Variants in OPCML observed in about 807,000 individuals in gnomAD.
The protein encoded by OPCML is opioid-binding protein/cell adhesion molecule.
Under a neutral mutation model 37.8 loss-of-function variants are expected in OPCML, and 13 were observed. The ratio of observed to expected loss-of-function variants is 0.34; its 90% CI spans 0.22 to 0.55. OPCML has a LOEUF of 0.55. OPCML is among the 20% of genes least tolerant of loss of function. The pLI, the probability that OPCML is intolerant of heterozygous loss-of-function variation, is 0.91. For synonymous variants in OPCML, 176 were observed against 168.8 expected (o/e 1.04, Z -0.33); for missense variants, 341 against 435.6 (o/e 0.78, Z 1.93).
chr11:132,437,631 T>C (rs2136748703), intron 4 of OPCML, among the ~76,000 whole-genome samples: 1 of 152,362 alleles, frequency 6.6e-6, no homozygotes, highest in Admixed American at 6.5e-5. Flanking sequence ...ATTTTTCTTA[T>C]ATGATTATTG....
chr11:133,222,804 G>A (rs1433723260), intron 1 of OPCML, among the ~76,000 whole-genome samples: 1 of 151,282 alleles, frequency 6.6e-6, no homozygotes, highest in Non-Finnish European at 1.5e-5. Flanking sequence ...GAGGTGGGGG[G>A]AGCAAAGGGG....
chr11:133,026,587 T>C (rs1401584355), intron 1 of OPCML: 1 of 985,096 alleles, frequency 1.0e-6, no homozygotes, highest in African/African-American at 1.7e-5. Context: ...ACTGTGATTC[T>C]TTCTAGCTAA....
chr11:132,517,078 A>T (rs1019160041), intron 4 of OPCML, among the ~76,000 whole-genome samples: 5 of 152,086 alleles, frequency 3.3e-5, no homozygotes, highest in Non-Finnish European at 5.9e-5. Flanking sequence ...TTGTGGTACC[A>T]TGTACGTGTC....
chr11:132,931,439 C>A (rs974854313), intron 2 of OPCML, among the ~76,000 whole-genome samples: 1 of 151,970 alleles, frequency 6.6e-6, no homozygotes, highest in Non-Finnish European at 1.5e-5. Context: ...GGGTCAATAT[C>A]CAGAATATAT....
At chr11:133,267,642 G>T (rs7932274) in intron 1 of OPCML, among the ~76,000 whole-genome samples, 47,448 of 151,980 alleles carry the variant, frequency 0.31, 8,055 homozygotes, top group East Asian at 0.69. Flanking sequence ...CCCTGACATG[G>T]TTTTTCTGTG....
rs1265215291 is a variant in OPCML, at chr11:132,481,719, C to A, written c.506-44360G>T. Reference sequence around the variant, plus strand: ...AAGAACAGAAATTATAACAAACTATCTCTCAGACCACAGTGCAATCAAACT... The same window carrying A: ...AAGAACAGAAATTATAACAAACTATATCTCAGACCACAGTGCAATCAAACT... On this transcript the variant is annotated intron_variant, in intron 4 of 7. Coordinates refer to ENST00000524381, the MANE Select transcript of OPCML (RefSeq NM_001012393.5). Among the ~76,000 whole-genome samples the A allele has an allele frequency of 3.4e-4, 51 of 149,616 alleles. No homozygotes were observed. In the East Asian group the frequency reaches 6.3e-3, roughly 19 times the overall value.
At chr11:132,767,388 T>G (rs747018139) in intron 2 of OPCML, among the ~76,000 whole-genome samples, 13 of 152,322 alleles carry the variant, frequency 8.5e-5, no homozygotes, top group Non-Finnish European at 1.6e-4. Context: ...GGGATTTCTT[T>G]GAGGTCAATA....
chr11:132,447,162 G>GCGTCTGA (rs1311302089), intron 4 of OPCML, among the ~76,000 whole-genome samples: 1 of 152,184 alleles, frequency 6.6e-6, no homozygotes, highest in Non-Finnish European at 1.5e-5. Context: ...AATGCCAACT[G>GCGTCTGA]CGTCTGACTT....
intron 2 of OPCML, among the ~76,000 whole-genome samples, chr11:132,682,958 G>A (rs1400297954): frequency 2.0e-5 from 3 of 152,134 alleles, no homozygotes; most frequent in Admixed American, 1.3e-4. Flanking sequence ...GCAAAATAAT[G>A]TATTCAAGGC....
At chr11:132,748,623 G>A (rs918805123) in intron 2 of OPCML, among the ~76,000 whole-genome samples, 2 of 152,178 alleles carry the variant, frequency 1.3e-5, no homozygotes, top group East Asian at 1.9e-4. Flanking sequence ...GAAGGAGAGA[G>A]CGGTGCGAGG....
chr11:132,828,380 A>T (rs1940489591), intron 2 of OPCML, among the ~76,000 whole-genome samples: 1 of 152,166 alleles, frequency 6.6e-6, no homozygotes, highest in Non-Finnish European at 1.5e-5. Context: ...ACCCTAATGT[A>T]AACCATGGAC....
intron 7 of OPCML, among the ~76,000 whole-genome samples, chr11:132,420,788 C>T (rs183383132): frequency 1.3e-5 from 2 of 152,280 alleles, no homozygotes; most frequent in African/African-American, 4.8e-5. Context: ...TGCATGCAAC[C>T]TAGGTGTTGT....
At chr11:132,857,356 G>A (rs1942097252) in intron 2 of OPCML, among the ~76,000 whole-genome samples, 1 of 152,168 alleles carries the variant, frequency 6.6e-6, no homozygotes, top group Non-Finnish European at 1.5e-5. Context: ...TTCACAGTAA[G>A]TTGCAAAGAT....
At chr11:133,150,573 CCTTG>C (rs1949965169) in intron 1 of OPCML, among the ~76,000 whole-genome samples, 3 of 152,288 alleles carry the variant, frequency 2.0e-5, no homozygotes, top group South Asian at 4.1e-4. Context: ...CCACTTGATG[CCTTG>C]GCCCCTTACT....
intron 1 of OPCML, among the ~76,000 whole-genome samples, chr11:133,074,364 T>C (rs1359892104): frequency 6.6e-6 from 1 of 152,206 alleles, no homozygotes; most frequent in Non-Finnish European, 1.5e-5. Flanking sequence ...CTTGCTCTAG[T>C]AAAGCAGTGG....
intron 1 of OPCML, among the ~76,000 whole-genome samples, chr11:133,481,168 T>C (rs991647206): frequency 1.3e-5 from 2 of 152,252 alleles, no homozygotes; most frequent in Admixed American, 6.5e-5. Flanking sequence ...GATTTCATCA[T>C]GAAGCTAATT....
In OPCML at chr11:133,015,399, G is replaced by GGAAGGAAT. The variant is rs1555076126; in HGVS notation, c.62-72390_62-72389insATTCCTTC. ...AGGAAGGAAGGAAGGAAGGAATGAA[G>GGAAGGAAT]GAAGGAAGGAAGGAAGGAAGGAAGG... On this transcript the variant is annotated intron_variant, in intron 1 of 7. Transcript: ENST00000524381. Among the ~76,000 whole-genome samples the GGAAGGAAT allele has an allele frequency of 7.9e-3, 555 of 70,038 alleles. 12 individuals are homozygous for GGAAGGAAT. The highest frequency in any genetic ancestry group is 0.013 in the African/African-American group (176 of 14,034). The allele number at this position is 70,038 out of a possible 152,430, so 45.9% of individuals were successfully genotyped here. A position where few individuals can be genotyped will look rare whatever the true frequency, so the allele number is the denominator to read the frequency against.
At position 132,943,915 on chromosome 11, in the gene OPCML, G is replaced by T. The variant is rs928837121; in HGVS notation, c.62-905C>A. On this transcript the variant is annotated intron_variant, in intron 1 of 7. Transcript: ENST00000524381. The surrounding 1 kb of genome is among the most constrained non-coding windows in gnomAD (Gnocchi z 4.3). Reference sequence around the variant, plus strand: ...TTCCTCCCGGGAGCAGCCCCGACGCGCGCGGGCCCGGACCGCCGGGGTTGT... The same window carrying T: ...TTCCTCCCGGGAGCAGCCCCGACGCTCGCGGGCCCGGACCGCCGGGGTTGT... The T allele has an allele frequency of 6.6e-6, 1 of 151,700 alleles. No individual in the cohort carries two copies. Among genetic ancestry groups the T allele is most frequent in the Admixed American group, 6.6e-5 (1 of 15,212 alleles). The allele number at this position is 151,700 out of a possible 1,614,324, so 9.4% of individuals were successfully genotyped here.
chr11:133,026,124 A>G, intron 1 of OPCML: 1 of 980,446 alleles, frequency 1.0e-6, no homozygotes, highest in Non-Finnish European at 1.2e-6. Flanking sequence ...GTTGCACATA[A>G]TAACTATTAG....
Sources: gnomAD v4.1 joint callset for allele counts (sites outside exome capture counted in the v4.1 genomes callset) on GRCh38, gnomAD v4.1.1 for gene constraint, Gnocchi (gnomAD v3.1) non-coding constraint, MANE v1.5 for transcripts, NCBI Gene and HGNC (gene_info 2026-07-23, HGNC 2026-07-21) for gene names.